Variants in PDPN observed in about 807,000 individuals in gnomAD.
The protein encoded by PDPN is PA2.26 antigen.
In PDPN, 12 loss-of-function variants were observed where a neutral mutation model predicts 23.2. That is an observed-to-expected ratio of 0.52 (90% CI 0.33 to 0.84). PDPN has a LOEUF of 0.84. Ranked by LOEUF, PDPN falls within the 40% of genes least tolerant of loss-of-function variation. The pLI is 0.02. For synonymous variants in PDPN, 77 were observed against 76.7 expected (o/e 1.00, Z -0.02); for missense variants, 199 against 212.2 (o/e 0.94, Z 0.39).
Position 13,616,022 on chromosome 1 carries a change from G to C in PDPN, c.*111G>C. The C allele has an allele frequency of 9.8e-7, 1 of 1,023,034 alleles. No individual in the cohort carries two copies. The highest frequency in any genetic ancestry group is 1.3e-5 in the South Asian group (1 of 76,726). 63.4% of individuals were successfully genotyped at this position (1,023,034 alleles called of 1,614,324 possible). A position where few individuals can be genotyped will look rare whatever the true frequency, so the allele number is the denominator to read the frequency against. ...AAGATGACCCGTGGAACACTTGCCTGGCCCACTCAGAATCCACGGTGACCT... is the reference window on the plus strand; with the variant it reads ...AAGATGACCCGTGGAACACTTGCCTCGCCCACTCAGAATCCACGGTGACCT... On this transcript the variant is annotated 3_prime_UTR_variant, in exon 6 of 6. Coordinates refer to ENST00000621990, the MANE Select transcript of PDPN (RefSeq NM_006474.5).
In PDPN at chr1:13,584,273, G is replaced by C. The variant is rs553981266; in HGVS notation, c.67+173G>C. 1.5e-4 allele frequency: 234 copies of C among 1,530,320 alleles called. No homozygotes were observed. In the African/African-American group the frequency reaches 2.7e-3, roughly 18 times the overall value. 94.8% of individuals were successfully genotyped at this position (1,530,320 alleles called of 1,614,324 possible). A position where few individuals can be genotyped will look rare whatever the true frequency, so the allele number is the denominator to read the frequency against. On this transcript the variant is annotated intron_variant, in intron 1 of 5. Transcript: ENST00000621990. ...GAGGAGGAGAGGCAGCGGCTTAGTC[G>C]GTGCCAGGTCCCAAAGACGCAGCTG...
intron 1 of PDPN, chr1:13,595,940 G>C (rs1570025294): frequency 8.4e-7 from 1 of 1,190,140 alleles, no homozygotes; most frequent in East Asian, 5.7e-5. Flanking sequence ...GCTCACAACT[G>C]TAATCCCAGG....
Position 13,597,458 on chromosome 1 carries a change from T to C in PDPN, c.68-9715T>C, listed in dbSNP as rs145028685. Among the ~76,000 whole-genome samples the C allele has an allele frequency of 8.9e-3, 1,351 of 152,326 alleles. 22 individuals are homozygous for C. The highest frequency in any genetic ancestry group is 0.03 in the African/African-American group (1,251 of 41,580). Reference sequence around the variant, plus strand: ...AAAAATCAGCATCACCAGTTCAAGATAAAATGCTGTAGAAACGGCTTCTCC... The same window carrying C: ...AAAAATCAGCATCACCAGTTCAAGACAAAATGCTGTAGAAACGGCTTCTCC... On this transcript the variant is annotated intron_variant, in intron 1 of 5. Coordinates refer to ENST00000621990, the MANE Select transcript of PDPN (RefSeq NM_006474.5).
intron 1 of PDPN, among the ~76,000 whole-genome samples, chr1:13,604,933 A>G (rs1318384537): frequency 6.6e-6 from 1 of 152,172 alleles, no homozygotes; most frequent in Admixed American, 6.5e-5. Context: ...AACCATTTGC[A>G]TGCATGGAAA....
At chr1:13,602,039 G>C in intron 1 of PDPN, among the ~76,000 whole-genome samples, 1 of 88,328 alleles carries the variant, frequency 1.1e-5, no homozygotes, top group East Asian at 3.9e-4. Context: ...CCTTTGGGTG[G>C]CTCATGCCTT....
At chr1:13,583,760 C>T (rs772443538), upstream of PDPN, 1 of 1,473,118 alleles carries the variant, frequency 6.8e-7, no homozygotes, top group South Asian at 1.3e-5. Context: ...CGGACGGAGA[C>T]CACCTTGCGG....
chr1:13,604,931 G>T (rs1640744018), intron 1 of PDPN, among the ~76,000 whole-genome samples: 1 of 152,074 alleles, frequency 6.6e-6, no homozygotes, highest in African/African-American at 2.4e-5. Flanking sequence ...CAAACCATTT[G>T]CATGCATGGA....
At chr1:13,610,831 A>C (rs1441257952) in intron 3 of PDPN, among the ~76,000 whole-genome samples, 1 of 152,190 alleles carries the variant, frequency 6.6e-6, no homozygotes, top group African/African-American at 2.4e-5. Flanking sequence ...GTTGACACCC[A>C]AGGGCACGAC....
At chr1:13,599,775 T>C (rs1640595463) in intron 1 of PDPN, among the ~76,000 whole-genome samples, 1 of 152,172 alleles carries the variant, frequency 6.6e-6, no homozygotes, top group Admixed American at 6.5e-5. Flanking sequence ...TCTCTAGTGA[T>C]GAGAATGTGG....
chr1:13,596,155 C>T (rs1640491506), intron 1 of PDPN, among the ~76,000 whole-genome samples: 1 of 148,770 alleles, frequency 6.7e-6, no homozygotes, highest in South Asian at 2.1e-4. Flanking sequence ...GCCAAGATTG[C>T]ACCACTGCAC....
At chr1:13,602,654 C>T (rs1434129436) in intron 1 of PDPN, among the ~76,000 whole-genome samples, 1 of 152,132 alleles carries the variant, frequency 6.6e-6, no homozygotes, top group Non-Finnish European at 1.5e-5. Flanking sequence ...TCTCTGCCTC[C>T]TGGGTTCAAG....
chr1:13,586,315 A>G (rs904648985), intron 1 of PDPN, among the ~76,000 whole-genome samples: 1 of 152,210 alleles, frequency 6.6e-6, no homozygotes, highest in Admixed American at 6.5e-5. Flanking sequence ...CACTGAAGGC[A>G]CTTAATAAAG....
At chr1:13,585,543 A>T in intron 1 of PDPN, 1 of 1,351,142 alleles carries the variant, frequency 7.4e-7, no homozygotes, top group Non-Finnish European at 9.8e-7. Flanking sequence ...TCAGCATCTC[A>T]GCCCTGCTAA....
chr1:13,609,941 G>T (rs149859241), intron 2 of PDPN, among the ~76,000 whole-genome samples: 1,782 of 152,214 alleles, frequency 0.012, 30 homozygotes, highest in African/African-American at 0.041. Flanking sequence ...GCGGGCGCCT[G>T]TAATCCCAGC....
chr1:13,590,149 C>T (rs1395960883), intron 1 of PDPN, among the ~76,000 whole-genome samples: 1 of 152,232 alleles, frequency 6.6e-6, no homozygotes, highest in East Asian at 1.9e-4. Flanking sequence ...TTTTTACATA[C>T]ATGATTTCTT....
chr1:13,606,713 A>T (rs1004125785), intron 1 of PDPN, among the ~76,000 whole-genome samples: 2 of 152,178 alleles, frequency 1.3e-5, no homozygotes, highest in African/African-American at 4.8e-5. Flanking sequence ...ATAAAAAAAT[A>T]AAAAGATGGA....
chr1:13,584,292 G>A (rs1640118328), intron 1 of PDPN, 192 bp downstream of exon 1: 1 of 1,522,324 alleles, frequency 6.6e-7, no homozygotes, highest in Non-Finnish European at 8.8e-7. Context: ...TCCCAAAGAC[G>A]CAGCTGCGCG....
intron 1 of PDPN, among the ~76,000 whole-genome samples, chr1:13,604,504 G>A (rs1229376361): frequency 1.3e-5 from 2 of 152,184 alleles, no homozygotes; most frequent in African/African-American, 4.8e-5. Flanking sequence ...GGCTCTGTGG[G>A]CCAAGGGTAG....
intron 5 of PDPN, among the ~76,000 whole-genome samples, chr1:13,615,444 C>T (rs959136746): frequency 2.0e-5 from 3 of 152,010 alleles, no homozygotes; most frequent in African/African-American, 4.8e-5. Context: ...CACCACCACA[C>T]CTGGCTAATT....
Sources: gnomAD v4.1 joint callset for allele counts (sites outside exome capture counted in the v4.1 genomes callset) on GRCh38, gnomAD v4.1.1 for gene constraint, MANE v1.5 for transcripts, NCBI Gene and HGNC (gene_info 2026-07-23, HGNC 2026-07-21) for gene names.